The following CERT1 variants were observed in gnomAD, a reference collection of about 807,000 sequenced individuals.
CERT1 encodes the protein ceramide transporter 1, also known as ceramide transfer protein.
A neutral mutation model predicts 87.9 loss-of-function variants in CERT1; 31 were observed. The ratio of observed to expected loss-of-function variants is 0.35; its 90% confidence interval spans 0.27 to 0.48. The LOEUF (loss-of-function observed/expected upper bound fraction) is 0.48. CERT1 is among the 20% of genes least tolerant of loss of function. The pLI, the probability that CERT1 is intolerant of heterozygous loss-of-function variation, is 0.99. For missense variants in CERT1, 487 were observed against 758.0 expected (o/e 0.64, Z 4.20); for synonymous variants, 289 against 250.9 (o/e 1.15, Z -1.44).
intron 8 of CERT1, among the ~76,000 whole-genome samples, chr5:75,406,633 C>T (rs953185562): frequency 6.6e-6 from 1 of 151,646 alleles, no homozygotes; most frequent in South Asian, 2.1e-4. Context: ...TTCCGCCTGC[C>T]GGTTCAAGCA....
chr5:75,507,544 C>T (rs1767710836), intron 1 of CERT1, among the ~76,000 whole-genome samples: 1 of 152,164 alleles, frequency 6.6e-6, no homozygotes, highest in South Asian at 2.1e-4. Flanking sequence ...ACCACTTAGA[C>T]ACGGGCTTGA....
chr5:75,497,823 G>C (rs1767145794), intron 2 of CERT1, among the ~76,000 whole-genome samples: 1 of 152,140 alleles, frequency 6.6e-6, no homozygotes, highest in African/African-American at 2.4e-5. Context: ...AGAGAGTGGG[G>C]TGCTGCTATA....
At chr5:75,453,861 G>A (rs1463225620) in intron 3 of CERT1, among the ~76,000 whole-genome samples, 4 of 152,254 alleles carry the variant, frequency 2.6e-5, no homozygotes, top group South Asian at 2.1e-4. Context: ...TGGAGGGTGC[G>A]TGAATGTGCA....
chr5:75,509,221 G>GGAA (rs1290077770), intron 1 of CERT1, among the ~76,000 whole-genome samples: 1 of 152,084 alleles, frequency 6.6e-6, no homozygotes, highest in Non-Finnish European at 1.5e-5. Context: ...CTCAATGGAA[G>GGAA]GAAAAGAACA....
intron 16 of CERT1, among the ~76,000 whole-genome samples, chr5:75,380,515 G>A (rs191133398): frequency 2.0e-4 from 31 of 152,126 alleles, no homozygotes; most frequent in Admixed American, 1.6e-3. Context: ...TAGGTCGAGC[G>A]CAGTGGCTCA....
intron 3 of CERT1, 44 bp from the exon 4 acceptor site, chr5:75,426,522 A>C (rs1408433046): frequency 7.2e-7 from 1 of 1,397,390 alleles, no homozygotes; most frequent in Non-Finnish European, 1.0e-6. Flanking sequence ...TAAATAAAAA[A>C]TACTTGAGAA....
At chr5:75,494,072 G>A (rs1222618990) in intron 2 of CERT1, among the ~76,000 whole-genome samples, 3 of 152,070 alleles carry the variant, frequency 2.0e-5, no homozygotes, top group Admixed American at 2.0e-4. Context: ...TGAATAATGT[G>A]TTTCCTAGTG....
chr5:75,470,531 C>A (rs1448673471), intron 2 of CERT1, among the ~76,000 whole-genome samples: 1 of 152,116 alleles, frequency 6.6e-6, no homozygotes, highest in African/African-American at 2.4e-5. Context: ...ACCCTATGAT[C>A]AATAGATGCA....
chr5:75,495,563 C>CA (rs200532309), intron 2 of CERT1, among the ~76,000 whole-genome samples: 171 of 141,980 alleles, frequency 1.2e-3, no homozygotes, highest in African/African-American at 3.1e-3. Context: ...ATCTCACTTA[C>CA]AAAAAAAAAA....
intron 2 of CERT1, among the ~76,000 whole-genome samples, chr5:75,467,770 C>A (rs183519988): frequency 6.6e-6 from 1 of 151,786 alleles, no homozygotes; most frequent in East Asian, 1.9e-4. Context: ...TACACAGATG[C>A]ACAGATGAGT....
At position 75,379,051 on chromosome 5, in the gene CERT1, T is replaced by C; in HGVS notation, c.*295A>G. ...AAAATTAGCTGAGCATGGTGGCACA[T>C]GCCTGTGGGGACTCCCAGCTACTGG... On this transcript the variant is annotated 3_prime_UTR_variant, in exon 17 of 17. Coordinates refer to ENST00000643780, the MANE Select transcript of CERT1 (RefSeq NM_001379029.1). 1 of 251,112 alleles carries C rather than the reference T, an allele frequency of 4.0e-6. No homozygotes were observed. The highest frequency in any genetic ancestry group is 7.9e-5 in the South Asian group (1 of 12,720). 15.6% of individuals were successfully genotyped at this position (251,112 alleles called of 1,614,324 possible). A position where few individuals can be genotyped will look rare whatever the true frequency, so the allele number is the denominator to read the frequency against.
At chr5:75,458,930 A>C in intron 3 of CERT1, 135 bp downstream of exon 3, 1 of 594,496 alleles carries the variant, frequency 1.7e-6, no homozygotes, top group Non-Finnish European at 3.0e-6. Context: ...TTACATATGA[A>C]CTGCTTTAAT....
chr5:75,374,154 T>C (rs1761190720), downstream of CERT1: 1 of 398,094 alleles, frequency 2.5e-6, no homozygotes, highest in Admixed American at 4.4e-5. Context: ...TTTCTTTTTT[T>C]CTCCAACATG....
At position 75,381,113 on chromosome 5, in the gene CERT1, C is replaced by T. The variant is rs761229265; in HGVS notation, c.1706G>A (p.Ser569Asn). Reference protein sequence around the residue: ...VSPPEGNQEISRDNILCKITY... With the variant: ...VSPPEGNQEINRDNILCKITY... ...AATCTTGCATAGAATGTTGTCCCTGCTAATTTCCTGGTTTCCCTCTGGTGG... is the reference window on the plus strand; with the variant it reads ...AATCTTGCATAGAATGTTGTCCCTGTTAATTTCCTGGTTTCCCTCTGGTGG... Residue 569 changes from serine to asparagine, a missense_variant, in exon 16 of 17, where the codon AGC (serine) becomes AAC (asparagine). Around this residue, in one of 8 missense-constraint regions of CERT1, gnomAD observed 147 missense variants for 200.8 expected, o/e 0.73. Coordinates refer to ENST00000643780, the MANE Select transcript of CERT1 (RefSeq NM_001379029.1). 22 of 1,614,120 alleles carry T rather than the reference C, an allele frequency of 1.4e-5. No homozygotes were observed. Among genetic ancestry groups the T allele is most frequent in the Non-Finnish European group, 1.9e-5 (22 of 1,180,008 alleles).
chr5:75,470,935 A>G (rs1459289457), intron 2 of CERT1, among the ~76,000 whole-genome samples: 2 of 152,196 alleles, frequency 1.3e-5, no homozygotes, highest in African/African-American at 4.8e-5. Flanking sequence ...GTTTTTATAC[A>G]CTAACAATGA....
intron 17 of CERT1, chr5:75,370,447 T>C (rs558456233): frequency 1.6e-4 from 24 of 152,316 alleles, no homozygotes; most frequent in Admixed American, 3.9e-4. Context: ...GTGTGTATCA[T>C]TCACCAGCAC....
At chr5:75,459,997 C>G (rs1010697631) in intron 2 of CERT1, among the ~76,000 whole-genome samples, 12 of 148,938 alleles carry the variant, frequency 8.1e-5, no homozygotes, top group Admixed American at 4.7e-4. Flanking sequence ...AAAGATGGAG[C>G]CTTGCTATGT....
At chr5:75,489,040 C>T (rs968686244) in intron 2 of CERT1, among the ~76,000 whole-genome samples, 2 of 152,062 alleles carry the variant, frequency 1.3e-5, no homozygotes, top group African/African-American at 2.4e-5. Context: ...GGTACTGGTA[C>T]CAAAACAGAT....
At chr5:75,411,739 A>G (rs1762942048) in intron 7 of CERT1, among the ~76,000 whole-genome samples, 1 of 152,182 alleles carries the variant, frequency 6.6e-6, no homozygotes, top group Non-Finnish European at 1.5e-5. Context: ...TAGCACCTGA[A>G]AAATACCTAC....
Sources: gnomAD v4.1 joint callset for allele counts (sites outside exome capture counted in the v4.1 genomes callset) on GRCh38, gnomAD v4.1.1 for gene constraint, gnomAD v4.1.1 regional missense constraint, MANE v1.5 for transcripts, NCBI Gene and HGNC (gene_info 2026-07-23, HGNC 2026-07-21) for gene names.